The following CNTNAP5 variants were observed in gnomAD, a reference collection of about 807,000 sequenced individuals.
CNTNAP5 encodes contactin-associated protein-like 5.
CNTNAP5 carries 72 observed loss-of-function variants against 150.2 expected under a neutral mutation model. The observed-to-expected ratio is 0.48, with a 90% CI of 0.40 to 0.58. The LOEUF (loss-of-function observed/expected upper bound fraction) is 0.58. Among genes scored for constraint, CNTNAP5 ranks in the 20% least tolerant of loss-of-function variants. The pLI is 0.00. For missense variants in CNTNAP5, 1,636 were observed against 1,626.2 expected, an observed-to-expected ratio of 1.01 and a Z score of -0.10; for synonymous variants, 672 against 619.8, an observed-to-expected ratio of 1.08 and a Z score of -1.25.
At chr2:124,197,007 G>A (rs965294563) in intron 1 of CNTNAP5, among the ~76,000 whole-genome samples, 2 of 152,178 alleles carry the variant, frequency 1.3e-5, no homozygotes, top group African/African-American at 4.8e-5. Flanking sequence ...GGTTCCTAAG[G>A]TTCCTACATC....
chr2:124,053,486 C>A (rs181791312), intron 1 of CNTNAP5, among the ~76,000 whole-genome samples: 4 of 152,310 alleles, frequency 2.6e-5, no homozygotes, highest in Non-Finnish European at 5.9e-5. Context: ...GAGGCCCCAT[C>A]TGGGGGCAGA....
At chr2:124,525,622 C>A (rs1268779386) in intron 9 of CNTNAP5, among the ~76,000 whole-genome samples, 2 of 152,104 alleles carry the variant, frequency 1.3e-5, no homozygotes, top group Admixed American at 1.3e-4. Flanking sequence ...ATCGAGGTCT[C>A]CTAGGAGGGA....
intron 7 of CNTNAP5, among the ~76,000 whole-genome samples, chr2:124,480,035 C>T (rs766062674): frequency 6.6e-6 from 1 of 152,102 alleles, no homozygotes; most frequent in Non-Finnish European, 1.5e-5. Flanking sequence ...GACATATAAG[C>T]CAATATTTAT....
rs192841442 is a variant in CNTNAP5, at chr2:124,900,070, C to T, written c.3437-2812C>T. 3.9e-3 allele frequency among the ~76,000 whole-genome samples: 597 copies of T among 151,332 alleles called. 6 individuals carry two copies. The highest frequency in any genetic ancestry group is 3.8e-3 in the Non-Finnish European group (260 of 67,964). Reference sequence around the variant, plus strand: ...TTGGGTTTAAATCTCAACCCTGCTACGTGATCTTCAGTACATCTTTGAACT... The same window carrying T: ...TTGGGTTTAAATCTCAACCCTGCTATGTGATCTTCAGTACATCTTTGAACT... On this transcript the variant is annotated intron_variant, in intron 21 of 23. Coordinates refer to ENST00000682447, the MANE Select transcript of CNTNAP5 (RefSeq NM_001367498.1).
intron 1 of CNTNAP5, among the ~76,000 whole-genome samples, chr2:124,173,438 G>A (rs953694279): frequency 6.6e-6 from 1 of 152,182 alleles, no homozygotes; most frequent in Non-Finnish European, 1.5e-5. Flanking sequence ...AAAAGTTCCT[G>A]AAGGAAATTA....
At chr2:124,512,139 T>C (rs1181732604) in intron 8 of CNTNAP5, among the ~76,000 whole-genome samples, 3 of 151,794 alleles carry the variant, frequency 2.0e-5, no homozygotes, top group Non-Finnish European at 4.4e-5. Context: ...GGCTTTCTTA[T>C]AGCTAACGGT....
chr2:124,222,957 CA>C (rs1374468255), intron 2 of CNTNAP5, among the ~76,000 whole-genome samples: 3 of 151,988 alleles, frequency 2.0e-5, no homozygotes, highest in African/African-American at 7.2e-5. Context: ...ATTCTAAAAA[CA>C]AAAGAATGGC....
At chr2:124,812,788 T>G (rs915482956) in intron 19 of CNTNAP5, among the ~76,000 whole-genome samples, 2 of 152,088 alleles carry the variant, frequency 1.3e-5, no homozygotes, top group African/African-American at 2.4e-5. Context: ...ATGTCCCATA[T>G]CTCCCTAAAA....
At chr2:124,835,677 C>G (rs188218586) in intron 19 of CNTNAP5, among the ~76,000 whole-genome samples, 67 of 152,278 alleles carry the variant, frequency 4.4e-4, no homozygotes, top group Admixed American at 7.9e-4. Flanking sequence ...TGTAGGATAT[C>G]TGTTATATGG....
chr2:124,321,207 C>A (rs762533965), intron 3 of CNTNAP5, among the ~76,000 whole-genome samples: 2 of 151,958 alleles, frequency 1.3e-5, no homozygotes, highest in African/African-American at 4.8e-5. Flanking sequence ...TTTGAGAGGC[C>A]GAGGCAGGCG....
chr2:124,763,217 AT>A (rs1450373326), intron 14 of CNTNAP5, among the ~76,000 whole-genome samples: 3 of 152,160 alleles, frequency 2.0e-5, no homozygotes, highest in African/African-American at 7.2e-5. Context: ...TTAAAAAAAA[AT>A]CTAAACTTGA....
At chr2:124,565,722 C>T (rs1696008088) in intron 11 of CNTNAP5, among the ~76,000 whole-genome samples, 1 of 151,454 alleles carries the variant, frequency 6.6e-6, no homozygotes, top group African/African-American at 2.4e-5. Flanking sequence ...GCCTCAGCCT[C>T]CCGAGTAGCT....
Position 124,648,863 on chromosome 2 carries a change from C to A in CNTNAP5, c.2077+905C>A, listed in dbSNP as rs565200399. Among the ~76,000 whole-genome samples the A allele has an allele frequency of 9.2e-5, 14 of 152,244 alleles. No homozygotes were observed. In the South Asian group the frequency reaches 2.9e-3, roughly 32 times the overall value. ...TGTTATAATCTCTAGCCTCAAGAAA[C>A]TTACATTCCAGCACTTAGAAGTTAA... On this transcript the variant is annotated intron_variant, in intron 13 of 23. Transcript: ENST00000682447.
At chr2:124,470,775 T>G (rs2104829798) in intron 6 of CNTNAP5, among the ~76,000 whole-genome samples, 1 of 152,270 alleles carries the variant, frequency 6.6e-6, no homozygotes, top group South Asian at 2.1e-4. Context: ...CAATTTCAAT[T>G]TTCTGCATAT....
At chr2:124,640,824 A>G (rs1678075486) in intron 12 of CNTNAP5, among the ~76,000 whole-genome samples, 1 of 152,034 alleles carries the variant, frequency 6.6e-6, no homozygotes, top group African/African-American at 2.4e-5. Context: ...GTACCAGGTG[A>G]AGGGTTAGGA....
chr2:124,266,913 C>A (rs559854371), intron 3 of CNTNAP5, among the ~76,000 whole-genome samples: 3 of 151,616 alleles, frequency 2.0e-5, no homozygotes, highest in Non-Finnish European at 2.9e-5. Context: ...AAATTACGTA[C>A]GCTTTTGCTG....
chr2:124,793,393 G>A (rs980844012), intron 18 of CNTNAP5, among the ~76,000 whole-genome samples: 4 of 151,944 alleles, frequency 2.6e-5, no homozygotes, highest in Non-Finnish European at 5.9e-5. Flanking sequence ...CTTTTTACTA[G>A]TCAGTTGTAA....
intron 6 of CNTNAP5, among the ~76,000 whole-genome samples, chr2:124,460,543 G>T (rs1181346275): frequency 6.6e-6 from 1 of 152,044 alleles, no homozygotes; most frequent in African/African-American, 2.4e-5. Flanking sequence ...CATCATAAAG[G>T]TTGAGATTTT....
chr2:124,920,273 G>A lies in CNTNAP5; in HGVS notation c.*5985G>A, dbSNP rs1473044501. On this transcript the variant is annotated 3_prime_UTR_variant, in exon 24 of 24. Transcript: ENST00000682447. ...TTCAGAGAACGTGAACAAAGTGCTG[G>A]ATATGAAACAGGAATAATGCATTCC... is the stretch of plus-strand genomic sequence containing the variant. 6.6e-6 allele frequency among the ~76,000 whole-genome samples: 1 copy of A among 152,072 alleles called. No homozygotes were observed. Among genetic ancestry groups the A allele is most frequent in the Non-Finnish European group, 1.5e-5 (1 of 68,012 alleles).
Sources: allele counts gnomAD v4.1 joint callset (sites outside exome capture counted in the v4.1 genomes callset), GRCh38; gene constraint gnomAD v4.1.1; transcripts MANE v1.5; gene names NCBI Gene and HGNC (gene_info 2026-07-23, HGNC 2026-07-21).